ADAMTS3: variants seen among roughly 807,000 people sequenced by gnomAD.
ADAMTS3 encodes ADAM metallopeptidase with thrombospondin type 1 motif 3, also known as A disintegrin and metalloproteinase with thrombospondin motifs 3.
Under a neutral mutation model 129.0 loss-of-function variants are expected in ADAMTS3, and 73 were observed. The observed-to-expected ratio is 0.57, with a 90% CI of 0.47 to 0.69. The LOEUF (loss-of-function observed/expected upper bound fraction) is 0.69. ADAMTS3 is among the 30% of genes least tolerant of loss of function. The pLI, the probability that ADAMTS3 is intolerant of heterozygous loss-of-function variation, is 0.00. For missense variants in ADAMTS3, 1,457 were observed against 1,514.5 expected (o/e 0.96, Z 0.63); for synonymous variants, 477 against 510.8 (o/e 0.93, Z 0.89).
intron 3 of ADAMTS3, among the ~76,000 whole-genome samples, chr4:72,515,471 A>G (rs1006824152): frequency 1.1e-4 from 17 of 150,978 alleles, no homozygotes; most frequent in Non-Finnish European, 1.9e-4. Context: ...AAGTGTTCCT[A>G]TTTCTCCACA....
chr4:72,493,444 CCTT>C (rs1719796850), intron 3 of ADAMTS3, among the ~76,000 whole-genome samples: 2 of 151,832 alleles, frequency 1.3e-5, no homozygotes, highest in Admixed American at 1.3e-4. Flanking sequence ...ATAGTTTTAA[CCTT>C]CTATTTTAAG....
At chr4:72,444,123 AT>A (rs2109963228) in intron 3 of ADAMTS3, among the ~76,000 whole-genome samples, 1 of 151,874 alleles carries the variant, frequency 6.6e-6, no homozygotes, top group South Asian at 2.1e-4. Flanking sequence ...CTGTGCACAA[AT>A]GCAGCCAGTG....
At chr4:72,302,668 G>A (rs192157952) in intron 17 of ADAMTS3, among the ~76,000 whole-genome samples, 21 of 151,958 alleles carry the variant, frequency 1.4e-4, no homozygotes, top group African/African-American at 4.8e-4. Flanking sequence ...TGAACCCCAA[G>A]CATAAGACAT....
At chr4:72,315,180 C>T (rs958987007) in intron 11 of ADAMTS3, among the ~76,000 whole-genome samples, 7 of 152,174 alleles carry the variant, frequency 4.6e-5, no homozygotes, top group African/African-American at 1.7e-4. Flanking sequence ...GATCCCACTA[C>T]CAGGGGGCAG....
chr4:72,471,812 T>C (rs986777443), intron 3 of ADAMTS3, among the ~76,000 whole-genome samples: 3 of 152,104 alleles, frequency 2.0e-5, no homozygotes, highest in African/African-American at 7.2e-5. Context: ...ATTTTGTTCA[T>C]CTCTGATTTT....
chr4:72,451,400 G>C (rs1321189853), intron 3 of ADAMTS3, among the ~76,000 whole-genome samples: 1 of 151,718 alleles, frequency 6.6e-6, no homozygotes, highest in Non-Finnish European at 1.5e-5. Context: ...ATTCCAAAAT[G>C]GAAGCAAACC....
rs1278472050 is a variant in ADAMTS3, at chr4:72,307,062, A to G, written c.2180-995T>C. Among the ~76,000 whole-genome samples, 3 of 152,040 alleles carry G rather than the reference A, an allele frequency of 2.0e-5. No homozygotes were observed. The East Asian group carries it at 5.8e-4, about 29-fold the overall frequency. The stretch of plus-strand genomic sequence containing the variant: ...CCTTCAATACATTATGAAACATCCA[A>G]TACATATTCTATGGAGAATATTAAC... On this transcript the variant is annotated intron_variant, in intron 15 of 21. Coordinates refer to ENST00000286657, the MANE Select transcript of ADAMTS3 (RefSeq NM_014243.3).
rs1722708698 is a variant in ADAMTS3 at position 72,431,926 on chromosome 4, G to T, written c.505-16955C>A. 3.3e-5 allele frequency among the ~76,000 whole-genome samples: 5 copies of T among 151,878 alleles called. No homozygotes were observed. The South Asian group carries it at 1.0e-3, about 31-fold the overall frequency. On this transcript the variant is annotated intron_variant, in intron 3 of 21. Transcript: ENST00000286657. ...CGTAGTAATTTTAGTAGTAGTTATA[G>T]TACTAAAAGCTTAAGAAAAGGTAGT... is the stretch of plus-strand genomic sequence containing the variant.
chr4:72,342,703 T>C (rs1720170972), intron 4 of ADAMTS3, among the ~76,000 whole-genome samples: 1 of 152,094 alleles, frequency 6.6e-6, no homozygotes, highest in Admixed American at 6.6e-5. Context: ...ATCACTATTG[T>C]GGAATCTAAG....
chr4:72,459,698 G>A (rs901481940), intron 3 of ADAMTS3, among the ~76,000 whole-genome samples: 2 of 151,328 alleles, frequency 1.3e-5, no homozygotes, highest in Non-Finnish European at 3.0e-5. Context: ...ATTATCTAAG[G>A]GTTACATAAC....
chr4:72,450,970 AGAAGAGAAGAGAAGAGAAG>A (rs1337693783), intron 3 of ADAMTS3, among the ~76,000 whole-genome samples: 2 of 4,526 alleles, frequency 4.4e-4, no homozygotes, highest in South Asian at 0.02. Flanking sequence ...GCAGGCAAAA[AGAAGAGAAGAGAAGAGAAG>A]AGAAGAGAAG....
At chr4:72,545,138 T>C (rs1721432608) in intron 3 of ADAMTS3, among the ~76,000 whole-genome samples, 1 of 152,182 alleles carries the variant, frequency 6.6e-6, no homozygotes, top group Non-Finnish European at 1.5e-5. Flanking sequence ...CCTTGGATAT[T>C]CTTTGTATAA....
chr4:72,343,490 C>T (rs1367081914), intron 4 of ADAMTS3, among the ~76,000 whole-genome samples: 2 of 152,134 alleles, frequency 1.3e-5, no homozygotes, highest in Non-Finnish European at 2.9e-5. Context: ...TTCTTTACTC[C>T]TATATCACCA....
intron 4 of ADAMTS3, among the ~76,000 whole-genome samples, chr4:72,373,701 CCAGCCTGGG>C (rs1721068937): frequency 6.6e-6 from 1 of 151,922 alleles, no homozygotes; most frequent in Non-Finnish European, 1.5e-5. Flanking sequence ...ATGTTTGAGA[CCAGCCTGGG>C]TAACATGGTG....
At chr4:72,500,495 T>G (rs1215658369) in intron 3 of ADAMTS3, among the ~76,000 whole-genome samples, 2 of 152,194 alleles carry the variant, frequency 1.3e-5, no homozygotes, top group Admixed American at 6.6e-5. Flanking sequence ...TTAAGTTCCC[T>G]ATAGATTCTG....
Position 72,500,066 on chromosome 4 carries a change from G to A in ADAMTS3, c.504+48412C>T, listed in dbSNP as rs531449064. The stretch of plus-strand genomic sequence containing the variant: ...ATTGATTCCATGTCTTTGTTATTGT[G>A]AACAGTGCTGTAATGAACATACAAG... On this transcript the variant is annotated intron_variant, in intron 3 of 21. Transcript: ENST00000286657. Among the ~76,000 whole-genome samples the A allele has an allele frequency of 2.6e-5, 4 of 152,230 alleles. No homozygotes were observed. The East Asian group carries it at 7.7e-4, about 29-fold the overall frequency.
At chr4:72,477,455 G>A (rs1214308438) in intron 3 of ADAMTS3, among the ~76,000 whole-genome samples, 9 of 152,148 alleles carry the variant, frequency 5.9e-5, no homozygotes, top group Non-Finnish European at 1.0e-4. Flanking sequence ...GGTACGTAAC[G>A]AAATGAAGGC....
intron 3 of ADAMTS3, among the ~76,000 whole-genome samples, chr4:72,516,573 T>C (rs1207857067): frequency 6.6e-6 from 1 of 152,174 alleles, no homozygotes; most frequent in Non-Finnish European, 1.5e-5. Flanking sequence ...GTTGGATTCC[T>C]AAGTATTTTA....
At chr4:72,543,233 C>T (rs1165979580) in intron 3 of ADAMTS3, among the ~76,000 whole-genome samples, 1 of 151,988 alleles carries the variant, frequency 6.6e-6, no homozygotes, top group Non-Finnish European at 1.5e-5. Flanking sequence ...TGTACATTAC[C>T]CAGTCTCAGG....
Sources: gnomAD v4.1 joint callset for allele counts (sites outside exome capture counted in the v4.1 genomes callset) on GRCh38, gnomAD v4.1.1 for gene constraint, MANE v1.5 for transcripts, NCBI Gene and HGNC (gene_info 2026-07-23, HGNC 2026-07-21) for gene names.